MIER2: variants seen among roughly 807,000 people sequenced by gnomAD.
The protein encoded by MIER2 is mesoderm induction early response protein 2.
Under a neutral mutation model 67.6 loss-of-function variants are expected in MIER2, and 30 were observed. The observed-to-expected ratio is 0.44, with a 90% CI of 0.33 to 0.60. The LOEUF is 0.60. MIER2 is among the 20% of genes least tolerant of loss of function. The probability of loss-of-function intolerance (pLI) is 0.02; values close to 1 mark genes in which losing one functional copy is unlikely to be tolerated. For missense variants in MIER2, 702 were observed against 745.1 expected (o/e 0.94, Z 0.67); for synonymous variants, 372 against 312.6 (o/e 1.19, Z -2.00).
Position 311,871 on chromosome 19 carries a change from T to C in MIER2, c.958A>G (p.Asn320Asp). ...FEHGFRVHGKNFHLIQANKVR... is the reference protein window; with the variant it reads ...FEHGFRVHGKDFHLIQANKVR... ...TTGTTGGCCTGGATCAGGTGAAAGTTCTTTCCATGCACACGGAAGCCGTGC... is the reference window on the plus strand; with the variant it reads ...TTGTTGGCCTGGATCAGGTGAAAGTCCTTTCCATGCACACGGAAGCCGTGC... The change falls in exon 10 of 14, where the codon AAC becomes GAC. Residue 320 changes from asparagine to aspartate, a missense_variant. This residue lies in a region of MIER2 where 128 missense variants were observed against 189.7 expected (regional missense o/e 0.67). Transcript: ENST00000264819. 6.2e-7 allele frequency: 1 copy of C among 1,614,078 alleles called. No individual in the cohort carries two copies. The highest frequency in any genetic ancestry group is 1.3e-5 in the African/African-American group (1 of 75,042).
intron 1 of MIER2, among the ~76,000 whole-genome samples, chr19:339,881 TA>T (rs1460762437): frequency 6.6e-6 from 1 of 152,132 alleles, no homozygotes; most frequent in Non-Finnish European, 1.5e-5. Flanking sequence ...GAAAATGTTT[TA>T]AAATTGACTG....
intron 3 of MIER2, among the ~76,000 whole-genome samples, chr19:329,518 C>A (rs1357761603): frequency 6.6e-6 from 1 of 152,164 alleles, no homozygotes; most frequent in Non-Finnish European, 1.5e-5. Flanking sequence ...GAAGCTGCAG[C>A]CAGTGCATCC....
At chr19:335,966 T>G (rs2145536924) in intron 2 of MIER2, 117 bp downstream of exon 2, 1 of 981,192 alleles carries the variant, frequency 1.0e-6, no homozygotes, top group Non-Finnish European at 1.6e-6. Context: ...TGGGACACCC[T>G]GGACTCTGGA....
At chr19:317,388 G>A (rs1339608355) in intron 7 of MIER2, among the ~76,000 whole-genome samples, 7 of 151,490 alleles carry the variant, frequency 4.6e-5, no homozygotes, top group South Asian at 2.1e-4. Context: ...TTAGCCGGGA[G>A]TCATGGCGGG....
chr19:311,905 C>T lies in MIER2; in HGVS notation c.924G>A (p.Arg308=). 1 of 1,614,102 alleles carries T rather than the reference C, an allele frequency of 6.2e-7. No homozygotes were observed. Among genetic ancestry groups the T allele is most frequent in the South Asian group, 1.1e-5 (1 of 91,088 alleles). ...GCACACGGAAGCCGTGCTCAAAGTTCCTGCACTCCTCTTCACTCCAAGCAC... is the reference window on the plus strand; with the variant it reads ...GCACACGGAAGCCGTGCTCAAAGTTTCTGCACTCCTCTTCACTCCAAGCAC... ...GLCAWSEEEC[R]NFEHGFRVHG... Residue 308 remains arginine, a synonymous_variant, in exon 10 of 14, where the codon AGG becomes AGA. Transcript: ENST00000264819.
chr19:331,865 C>T (rs1972042159), intron 3 of MIER2, among the ~76,000 whole-genome samples: 1 of 151,884 alleles, frequency 6.6e-6, no homozygotes, highest in Non-Finnish European at 1.5e-5. Context: ...CCTGTGGTCC[C>T]AGCTACTCGG....
At chr19:316,048 G>A (rs1360959971) in intron 7 of MIER2, among the ~76,000 whole-genome samples, 1 of 152,216 alleles carries the variant, frequency 6.6e-6, no homozygotes, top group Non-Finnish European at 1.5e-5. Flanking sequence ...AATTTTTCAA[G>A]TGTTGAAAGA....
chr19:321,154 CT>C (rs1971485723), intron 7 of MIER2, among the ~76,000 whole-genome samples: 1 of 152,230 alleles, frequency 6.6e-6, no homozygotes, highest in Non-Finnish European at 1.5e-5. Context: ...CTACACACAT[CT>C]GCTGGCGCCT....
Position 306,524 on chromosome 19 carries a change from G to C in MIER2, c.*166C>G. ...CCATTCTGTGTGGACAGGGGCAAGG[G>C]CTCACGGCCCAGCCACCTCACCCCA... On this transcript the variant is annotated 3_prime_UTR_variant, in exon 14 of 14. Transcript: ENST00000264819. The C allele has an allele frequency of 6.4e-6, 6 of 935,196 alleles. No individual in the cohort carries two copies. Among genetic ancestry groups the C allele is most frequent in the Non-Finnish European group, 9.7e-6 (6 of 616,330 alleles). 57.9% of individuals were successfully genotyped at this position (935,196 alleles called of 1,614,324 possible). A position where few individuals can be genotyped will look rare whatever the true frequency, so the allele number is the denominator to read the frequency against.
At chr19:311,741 C>T (rs1287212939) in intron 10 of MIER2, 104 bp downstream of exon 10, 11 of 1,103,272 alleles carry the variant, frequency 1.0e-5, no homozygotes, top group Admixed American at 2.1e-5. Context: ...ACACAGGACA[C>T]GGGGCTCCAG....
chr19:320,307 G>T (rs1971446572), intron 7 of MIER2, among the ~76,000 whole-genome samples: 1 of 152,058 alleles, frequency 6.6e-6, no homozygotes, highest in Non-Finnish European at 1.5e-5. Flanking sequence ...CTTGAGCCCG[G>T]GAGCAGAGGT....
At chr19:334,333 A>G (rs1375175524) in intron 3 of MIER2, 67 bp downstream of exon 3, 2 of 1,599,006 alleles carry the variant, frequency 1.3e-6, no homozygotes, top group African/African-American at 1.3e-5. Flanking sequence ...TGAGCTGCAC[A>G]AAACTCATGA....
chr19:335,726 C>A (rs557664280), intron 2 of MIER2, among the ~76,000 whole-genome samples: 3 of 152,180 alleles, frequency 2.0e-5, no homozygotes, highest in African/African-American at 2.4e-5. Context: ...CCTGTCTCGC[C>A]GCCCTCCACC....
chr19:327,251 T>C lies in MIER2; in HGVS notation c.375A>G (p.Gln125=), dbSNP rs779882965. 1 of 1,574,984 alleles carries C rather than the reference T, an allele frequency of 6.3e-7. No homozygotes were observed. The highest frequency in any genetic ancestry group is 1.2e-5 in the South Asian group (1 of 84,832). The change falls in exon 5 of 14, where the codon CAA becomes CAG. Residue 125 remains glutamine, a synonymous_variant. Coordinates refer to ENST00000264819, the MANE Select transcript of MIER2 (RefSeq NM_017550.3). ...NLPDMTLDKE[Q]IAKDLLSGEE... is the part of the protein sequence containing the mutation. Reference sequence around the variant, plus strand: ...CCCCTGAAAGCAAATCCTTCGCTATTTGTTCCTTTAAAAAAAAAAAAAAAA... The same window carrying C: ...CCCCTGAAAGCAAATCCTTCGCTATCTGTTCCTTTAAAAAAAAAAAAAAAA...
At position 329,532 on chromosome 19, in the gene MIER2, C is replaced by T. The variant is rs74745087; in HGVS notation, c.244-1543G>A. Among the ~76,000 whole-genome samples the T allele has an allele frequency of 9.2e-3, 1,397 of 152,288 alleles. 27 individuals are homozygous for T. Among genetic ancestry groups the T allele is most frequent in the African/African-American group, 0.032 (1,309 of 41,554 alleles). On this transcript the variant is annotated intron_variant, in intron 3 of 13. Coordinates refer to ENST00000264819, the MANE Select transcript of MIER2 (RefSeq NM_017550.3). Reference sequence around the variant, plus strand: ...GGAAGCTGCAGCCAGTGCATCCCTGCCCACAAGTCACTGCTGTCACATTCC... The same window carrying T: ...GGAAGCTGCAGCCAGTGCATCCCTGTCCACAAGTCACTGCTGTCACATTCC...
rs888015038 is a variant in MIER2, at chr19:305,683, A to C, written c.*1007T>G. On this transcript the variant is annotated 3_prime_UTR_variant, in exon 14 of 14. Transcript: ENST00000264819. Reference sequence around the variant, plus strand: ...TGAGGGATGGTCGAGTCCAACTCGGAAAGGGGCTCGAGCACAAGAGGCCGG... The same window carrying C: ...TGAGGGATGGTCGAGTCCAACTCGGCAAGGGGCTCGAGCACAAGAGGCCGG... 6.6e-6 allele frequency: 1 copy of C among 152,528 alleles called. No individual in the cohort carries two copies. Among genetic ancestry groups the C allele is most frequent in the African/African-American group, 2.4e-5 (1 of 41,444 alleles). The allele number at this position is 152,528 out of a possible 1,614,324, so 9.4% of individuals were successfully genotyped here.
chr19:314,963 T>C (rs1005866188), intron 7 of MIER2, among the ~76,000 whole-genome samples: 2 of 151,970 alleles, frequency 1.3e-5, no homozygotes, highest in South Asian at 2.1e-4. Flanking sequence ...TACGGTGGGA[T>C]TGAGGCTAAG....
At chr19:333,894 G>A (rs28634302) in intron 3 of MIER2, among the ~76,000 whole-genome samples, 17 of 152,032 alleles carry the variant, frequency 1.1e-4, no homozygotes, top group Admixed American at 9.2e-4. Flanking sequence ...GGGTTTCACC[G>A]TGTTAGCCAG....
Position 336,154 on chromosome 19 carries a change from T to C in MIER2, c.29A>G (p.Gln10Arg). ...GAGGCAGGAGACCACGCGAGGACTC[T>C]GCCTCCCCAGCGAGGAGGCCTGCGA... Reference protein sequence around the residue: MAEASSLGRQSPRVVSCLEH... With the variant: MAEASSLGRRSPRVVSCLEH... Residue 10 changes from glutamine to arginine, a missense_variant, in exon 2 of 14, where the codon CAG (glutamine) becomes CGG (arginine). Gln to Arg is a conservative substitution (Grantham distance 43). Around this residue, in one of 3 missense-constraint regions of MIER2, gnomAD observed 320 missense variants for 292.6 expected, o/e 1.09. Transcript: ENST00000264819. 1 of 1,613,152 alleles carries C rather than the reference T, an allele frequency of 6.2e-7. No individual in the cohort carries two copies. Among genetic ancestry groups the C allele is most frequent in the Non-Finnish European group, 8.5e-7 (1 of 1,179,368 alleles).
Sources: allele counts gnomAD v4.1 joint callset (sites outside exome capture counted in the v4.1 genomes callset), GRCh38; gene constraint gnomAD v4.1.1; regional missense constraint gnomAD v4.1.1; transcripts MANE v1.5; gene names NCBI Gene and HGNC (gene_info 2026-07-23, HGNC 2026-07-21).